Variants in HECW1 observed in about 807,000 individuals in gnomAD.
HECW1 encodes E3 ubiquitin-protein ligase HECW1.
HECW1 carries 61 observed loss-of-function variants against 182.3 expected under a neutral mutation model. The ratio of observed to expected loss-of-function variants is 0.33; its 90% CI spans 0.27 to 0.41. The LOEUF is 0.41. Among genes scored for constraint, HECW1 ranks in the 10% least tolerant of loss-of-function variants. HECW1 has a pLI of 1.00. For missense variants in HECW1, 1,739 were observed against 2,108.9 expected (o/e 0.82, Z 3.44); for synonymous variants, 859 against 832.6 (o/e 1.03, Z -0.55).
chr7:43,408,851 A>G (rs2075702319), intron 8 of HECW1, among the ~76,000 whole-genome samples: 1 of 152,178 alleles, frequency 6.6e-6, no homozygotes, highest in African/African-American at 2.4e-5. Flanking sequence ...TTTTACAGTC[A>G]TAGAAACCTG....
At chr7:43,211,007 G>A (rs1428717731) in intron 2 of HECW1, among the ~76,000 whole-genome samples, 1 of 152,246 alleles carries the variant, frequency 6.6e-6, no homozygotes, top group East Asian at 1.9e-4. Context: ...GAATGCCTGG[G>A]TTTGTATCCC....
intron 11 of HECW1, among the ~76,000 whole-genome samples, chr7:43,448,236 AAC>A (rs1334106197): frequency 6.6e-6 from 1 of 152,164 alleles, no homozygotes; most frequent in Non-Finnish European, 1.5e-5. Flanking sequence ...TTTATAGAGG[AAC>A]ACTGTTCTAA....
intron 2 of HECW1, among the ~76,000 whole-genome samples, chr7:43,228,936 T>C (rs1797658757): frequency 6.6e-6 from 1 of 152,172 alleles, no homozygotes. Flanking sequence ...TCTACCAAAT[T>C]GGTTAACAGT....
intron 6 of HECW1, among the ~76,000 whole-genome samples, chr7:43,372,797 C>A (rs2074164426): frequency 1.3e-5 from 2 of 151,798 alleles, no homozygotes; most frequent in South Asian, 4.2e-4. Context: ...CAATTTAGTC[C>A]TTGATGCAAA....
intron 2 of HECW1, among the ~76,000 whole-genome samples, chr7:43,155,584 G>A (rs1027771797): frequency 2.0e-5 from 3 of 152,196 alleles, no homozygotes; most frequent in African/African-American, 7.2e-5. Context: ...TTATTGAAAT[G>A]CTTTGTATAG....
At chr7:43,149,916 T>C (rs1259313349) in intron 2 of HECW1, among the ~76,000 whole-genome samples, 1 of 152,172 alleles carries the variant, frequency 6.6e-6, no homozygotes, top group East Asian at 1.9e-4. Context: ...TCAAACAATT[T>C]TGAATTACTG....
chr7:43,355,182 T>C (rs535620447), intron 5 of HECW1, among the ~76,000 whole-genome samples: 2 of 152,236 alleles, frequency 1.3e-5, no homozygotes, highest in East Asian at 3.9e-4. Flanking sequence ...AGAGAGTTAT[T>C]TAATCTGAAA....
rs73099607 is a variant in HECW1, at chr7:43,158,617, T to A, written c.-32+44226T>A. On this transcript the variant is annotated intron_variant, in intron 2 of 29. Coordinates refer to ENST00000395891, the MANE Select transcript of HECW1 (RefSeq NM_015052.5). ...TTCATGTGGATATTCTCCTGCACAA[T>A]CCTTTACAATGAGGGCATGTGCCAC... Among the ~76,000 whole-genome samples, 1,116 of 152,142 alleles carry A rather than the reference T, an allele frequency of 7.3e-3. 7 individuals carry two copies. Among genetic ancestry groups the A allele is most frequent in the Non-Finnish European group, 0.011 (747 of 67,998 alleles).
chr7:43,481,879 G>C (rs187212731), intron 17 of HECW1, among the ~76,000 whole-genome samples: 3 of 137,164 alleles, frequency 2.2e-5, no homozygotes, highest in African/African-American at 7.5e-5. Context: ...CCAGCTACTC[G>C]GGAGGCTGAG....
intron 2 of HECW1, among the ~76,000 whole-genome samples, chr7:43,208,280 C>T (rs947734271): frequency 2.0e-5 from 3 of 152,218 alleles, no homozygotes; most frequent in Non-Finnish European, 4.4e-5. Context: ...AATGGCTAGA[C>T]ATTTCATTGT....
chr7:43,284,821 TA>T (rs1424500802), intron 3 of HECW1, among the ~76,000 whole-genome samples: 1 of 152,208 alleles, frequency 6.6e-6, no homozygotes, highest in Non-Finnish European at 1.5e-5. Context: ...TCATATAATT[TA>T]CATTTGATGT....
intron 2 of HECW1, among the ~76,000 whole-genome samples, chr7:43,132,366 A>T (rs181443329): frequency 3.9e-5 from 6 of 152,336 alleles, no homozygotes; most frequent in Admixed American, 3.3e-4. Context: ...ACTAATAGGG[A>T]CAAATTCCTA....
At chr7:43,145,109 ACT>A (rs1205941825) in intron 2 of HECW1, among the ~76,000 whole-genome samples, 1 of 152,076 alleles carries the variant, frequency 6.6e-6, no homozygotes, top group African/African-American at 2.4e-5. Context: ...TAAATTACTA[ACT>A]CTCTCAACAG....
At chr7:43,502,037 C>T (rs2079383586) in intron 21 of HECW1, among the ~76,000 whole-genome samples, 1 of 152,168 alleles carries the variant, frequency 6.6e-6, no homozygotes, top group Admixed American at 6.6e-5. Context: ...CAAATATTTA[C>T]TCTCTGGTCC....
At chr7:43,299,528 G>C (rs550691684) in intron 3 of HECW1, among the ~76,000 whole-genome samples, 1 of 151,906 alleles carries the variant, frequency 6.6e-6, no homozygotes, top group Non-Finnish European at 1.5e-5. Flanking sequence ...GCATAATTGA[G>C]AAAAAGACTT....
chr7:43,152,920 T>C (rs1340470038), intron 2 of HECW1, among the ~76,000 whole-genome samples: 1 of 152,196 alleles, frequency 6.6e-6, no homozygotes, highest in South Asian at 2.1e-4. Flanking sequence ...AATTTAGTAA[T>C]GTCCGTCACT....
chr7:43,472,852 T>C (rs2078076738), intron 16 of HECW1, among the ~76,000 whole-genome samples: 1 of 152,058 alleles, frequency 6.6e-6, no homozygotes, highest in Non-Finnish European at 1.5e-5. Context: ...AAAATGAAAC[T>C]AGAGAAATCC....
chr7:43,502,551 A>G (rs1015932035), intron 21 of HECW1, among the ~76,000 whole-genome samples: 51 of 152,228 alleles, frequency 3.4e-4, no homozygotes, highest in African/African-American at 1.1e-3. Context: ...AGTATCAGCT[A>G]TTCAGGAGGC....
At chr7:43,492,549 G>A (rs1342605885) in intron 18 of HECW1, among the ~76,000 whole-genome samples, 2 of 152,178 alleles carry the variant, frequency 1.3e-5, no homozygotes, top group African/African-American at 4.8e-5. Flanking sequence ...CTCTTTCCAT[G>A]TATGTATGGC....
Sources: gnomAD v4.1 joint callset for allele counts (sites outside exome capture counted in the v4.1 genomes callset) on GRCh38, gnomAD v4.1.1 for gene constraint, MANE v1.5 for transcripts, NCBI Gene and HGNC (gene_info 2026-07-23, HGNC 2026-07-21) for gene names.